BIRC2: variants seen among roughly 807,000 people sequenced by gnomAD.
The protein encoded by BIRC2 is baculoviral IAP repeat-containing protein 2.
In BIRC2, 18 loss-of-function variants were observed where a neutral mutation model predicts 60.9. That is an observed-to-expected ratio of 0.30 (90% CI 0.20 to 0.44). The LOEUF (loss-of-function observed/expected upper bound fraction) is 0.44. Ranked by LOEUF, BIRC2 falls within the 20% of genes least tolerant of loss-of-function variation. BIRC2 has a pLI of 1.00. For synonymous variants in BIRC2, 282 were observed against 247.7 expected, an observed-to-expected ratio of 1.14 and a Z score of -1.30; for missense variants, 701 against 728.5, an observed-to-expected ratio of 0.96 and a Z score of 0.43.
intron 3 of BIRC2, among the ~76,000 whole-genome samples, chr11:102,356,673 A>C (rs1329038576): frequency 6.8e-6 from 1 of 147,674 alleles, no homozygotes; most frequent in East Asian, 2.0e-4. Flanking sequence ...TATTATTATT[A>C]TTATTAATTT....
Position 102,378,027 on chromosome 11 carries a change from A to C in BIRC2, c.1701A>C (p.Glu567Asp), listed in dbSNP as rs1318500692. The change falls in exon 9 of 9, where the codon GAA becomes GAC. Residue 567 changes from glutamate (E) to aspartate (D), a missense_variant. Transcript: ENST00000227758. ...SLEEQLRRLQ[E>D]ERTCKVCMDK... ...AAGAACAATTGAGGAGGTTGCAAGA[A>C]GAACGAACTTGTAAAGTGTGTATGG... The C allele has an allele frequency of 6.2e-7, 1 of 1,612,078 alleles. No individual in the cohort carries two copies. Among genetic ancestry groups the C allele is most frequent in the Non-Finnish European group, 8.5e-7 (1 of 1,179,352 alleles).
intron 6 of BIRC2, 71 bp from the exon 7 acceptor site, chr11:102,377,425 A>C: frequency 7.4e-7 from 1 of 1,356,892 alleles, no homozygotes; most frequent in Non-Finnish European, 1.0e-6. Flanking sequence ...AGGGTTGGTT[A>C]TTAGTGACTA....
Position 102,350,761 on chromosome 11 carries a change from A to G in BIRC2, c.895+12A>G. The G allele has an allele frequency of 1.9e-6, 3 of 1,602,876 alleles. No homozygotes were observed. The highest frequency in any genetic ancestry group is 2.6e-6 in the Non-Finnish European group (3 of 1,175,314). ...TTTTTATTATGTGGGTAAGAAGCAA[A>G]TAACTATACATTTTATCATTTTATT... On this transcript the variant is annotated intron_variant, in intron 2 of 8. Coordinates refer to ENST00000227758, the MANE Select transcript of BIRC2 (RefSeq NM_001166.5).
At chr11:102,375,186 C>T (rs192696328) in intron 6 of BIRC2, among the ~76,000 whole-genome samples, 69 of 152,318 alleles carry the variant, frequency 4.5e-4, no homozygotes, top group African/African-American at 1.6e-3. Context: ...CATCTTGGCT[C>T]CTCCCCTCCT....
intron 3 of BIRC2, 200 bp from the exon 4 acceptor site, chr11:102,362,696 C>G (rs12291210): frequency 3.8e-5 from 17 of 444,104 alleles, no homozygotes; most frequent in African/African-American, 3.1e-4. Context: ...TAGAAAATAC[C>G]GTGATATATA....
intron 5 of BIRC2, among the ~76,000 whole-genome samples, chr11:102,364,791 G>A (rs543705646): frequency 1.4e-5 from 2 of 147,962 alleles, no homozygotes; most frequent in African/African-American, 4.8e-5. Flanking sequence ...ATAGGAAGGA[G>A]AGTACTGGAA....
chr11:102,351,066 T>C (rs1233412544), intron 3 of BIRC2, 123 bp downstream of exon 3: 3 of 866,170 alleles, frequency 3.5e-6, no homozygotes, highest in African/African-American at 3.4e-5. Context: ...TGGGGAATTA[T>C]CCTTCTAAAA....
chr11:102,361,146 A>C (rs953719522), intron 3 of BIRC2, among the ~76,000 whole-genome samples: 9 of 152,120 alleles, frequency 5.9e-5, no homozygotes, highest in African/African-American at 2.2e-4. Context: ...GATGGCGTGG[A>C]CACCTGTGGA....
Position 102,377,695 on chromosome 11 carries a change from C to T in BIRC2, c.1566C>T (p.Asn522=), listed in dbSNP as rs1363622321. The T allele has an allele frequency of 1.2e-6, 2 of 1,610,338 alleles. No individual in the cohort carries two copies. The highest frequency in any genetic ancestry group is 1.3e-5 in the African/African-American group (1 of 74,690). ...TILVKGNAAA[N]IFKNCLKEID... ...TGGTTAAAGGAAATGCTGCGGCCAA[C>T]ATCTTCAAAAACTGTCTAAAAGAAA... The change falls in exon 7 of 9, where the codon AAC becomes AAT. Residue 522 remains asparagine (N), a synonymous_variant. Transcript: ENST00000227758.
chr11:102,359,378 CAT>C (rs1829983369), intron 3 of BIRC2, among the ~76,000 whole-genome samples: 4 of 152,136 alleles, frequency 2.6e-5, no homozygotes, highest in African/African-American at 9.7e-5. Flanking sequence ...GTAATTTACA[CAT>C]GACCATTACA....
chr11:102,357,488 C>T (rs1367354903), intron 3 of BIRC2, among the ~76,000 whole-genome samples: 1 of 152,056 alleles, frequency 6.6e-6, no homozygotes, highest in Non-Finnish European at 1.5e-5. Context: ...TAAGTCTTTT[C>T]AGATCTTCTA....
In BIRC2 at chr11:102,362,975, G is replaced by C. The variant is rs1220113061; in HGVS notation, c.1074+1G>C. The C allele has an allele frequency of 6.3e-7, 1 of 1,599,186 alleles. No individual in the cohort carries two copies. Among genetic ancestry groups the C allele is most frequent in the Non-Finnish European group, 8.6e-7 (1 of 1,167,924 alleles). ...TAGATATCCTCATCTTCTTGAACAG[G>C]TAAATACATTTTTAAAATTAACAAC... On this transcript the variant is annotated splice_donor_variant, in intron 4 of 8. Transcript: ENST00000227758. LOFTEE classifies it high-confidence loss of function.
intron 6 of BIRC2, among the ~76,000 whole-genome samples, chr11:102,374,732 A>T (rs1250008679): frequency 6.6e-6 from 1 of 152,302 alleles, no homozygotes; most frequent in East Asian, 1.9e-4. Context: ...TTACCTAATC[A>T]AGCCTGGGCA....
chr11:102,361,701 A>G (rs1951487259), intron 3 of BIRC2, among the ~76,000 whole-genome samples: 2 of 152,302 alleles, frequency 1.3e-5, no homozygotes, highest in Admixed American at 1.3e-4. Flanking sequence ...GGAGGAGCCT[A>G]GCAGTCTTTG....
intron 5 of BIRC2, among the ~76,000 whole-genome samples, chr11:102,366,328 A>G (rs1251354135): frequency 6.6e-6 from 1 of 151,156 alleles, no homozygotes; most frequent in African/African-American, 2.4e-5. Context: ...TTCTGTCTTC[A>G]TAACATATGC....
At chr11:102,361,034 T>A (rs542694761) in intron 3 of BIRC2, among the ~76,000 whole-genome samples, 53 of 152,236 alleles carry the variant, frequency 3.5e-4, no homozygotes, top group African/African-American at 1.2e-3. Context: ...TCTTCATCAC[T>A]TTTTCTCCCA....
chr11:102,374,637 C>A (rs1178155587), intron 6 of BIRC2, among the ~76,000 whole-genome samples: 4 of 151,990 alleles, frequency 2.6e-5, no homozygotes, highest in African/African-American at 9.7e-5. Context: ...CTGTGCCCTG[C>A]CCCCAGAGGT....
chr11:102,375,038 G>A (rs892969834), intron 6 of BIRC2, among the ~76,000 whole-genome samples: 10 of 152,182 alleles, frequency 6.6e-5, no homozygotes, highest in African/African-American at 2.2e-4. Context: ...CACACGGTGC[G>A]CGCACCCACT....
At chr11:102,354,585 C>T (rs995025684) in intron 3 of BIRC2, among the ~76,000 whole-genome samples, 3 of 152,184 alleles carry the variant, frequency 2.0e-5, no homozygotes, top group Admixed American at 1.3e-4. Context: ...CTCTGAGATA[C>T]TGATTTCATT....
Sources: allele counts gnomAD v4.1 joint callset (sites outside exome capture counted in the v4.1 genomes callset), GRCh38; gene constraint gnomAD v4.1.1; transcripts MANE v1.5; gene names NCBI Gene and HGNC (gene_info 2026-07-23, HGNC 2026-07-21).